Variants in RBPMS observed in about 807,000 individuals in gnomAD.
The protein encoded by RBPMS is RNA-binding protein with multiple splicing.
A neutral mutation model predicts 26.8 loss-of-function variants in RBPMS; 7 were observed. That is an observed-to-expected ratio of 0.26 (90% CI 0.15 to 0.49). The LOEUF is 0.49. RBPMS is among the 20% of genes least tolerant of loss of function. The probability of loss-of-function intolerance (pLI) is 0.98; values close to 1 mark genes in which losing one functional copy is unlikely to be tolerated. For synonymous variants in RBPMS, 96 were observed against 93.3 expected, an observed-to-expected ratio of 1.03 and a Z score of -0.17; for missense variants, 186 against 250.0, an observed-to-expected ratio of 0.74 and a Z score of 1.73.
intron 1 of RBPMS, among the ~76,000 whole-genome samples, chr8:30,443,839 C>T (rs1011860465): frequency 6.6e-6 from 1 of 152,134 alleles, no homozygotes; most frequent in African/African-American, 2.4e-5. Context: ...TTGTGATCTG[C>T]CCGCCTCGGC....
chr8:30,462,280 C>G (rs1815998686), intron 1 of RBPMS, among the ~76,000 whole-genome samples: 1 of 152,040 alleles, frequency 6.6e-6, no homozygotes, highest in Non-Finnish European at 1.5e-5. Context: ...CCAGTGTTAT[C>G]ATTGTTTTTG....
At position 30,554,846 on chromosome 8, in the gene RBPMS, CTCTT is replaced by C. The variant is rs550396982; in HGVS notation, c.529-4037_529-4034del. 2.5e-4 allele frequency among the ~76,000 whole-genome samples: 38 copies of C among 152,194 alleles called. 1 individual carries two copies. The highest frequency in any genetic ancestry group is 1.9e-4 in the African/African-American group (8 of 41,444). On this transcript the variant is annotated intron_variant, in intron 6 of 8. Transcript: ENST00000397323. The stretch of plus-strand genomic sequence containing the variant: ...GTCACCTGCTAAGCACTTTTCGTGA[CTCTT>C]TCTAAGGGCAAGTATGATAGTGGGA...
chr8:30,547,910 T>C (rs1196505283), intron 6 of RBPMS, among the ~76,000 whole-genome samples: 4 of 152,204 alleles, frequency 2.6e-5, no homozygotes, highest in South Asian at 4.1e-4. Context: ...GAGTCACATT[T>C]CTAGCTCTGC....
At chr8:30,555,759 C>G (rs992222082) in intron 6 of RBPMS, 4 of 445,906 alleles carry the variant, frequency 9.0e-6, no homozygotes, top group Non-Finnish European at 1.2e-5. Flanking sequence ...TAGGTTTCCC[C>G]GTTAAGAAGA....
At chr8:30,519,458 CTTTTTTTTTTTTTTTTTTTTTTTTTTTT>C (rs36017963) in intron 5 of RBPMS, among the ~76,000 whole-genome samples, 9 of 89,460 alleles carry the variant, frequency 1.0e-4, no homozygotes, top group East Asian at 3.5e-4. Context: ...GGATCTCTCT[CTTTTTTTTTTTTTTTTTTTTTTTTTTTT>C]TTTTTTTTTT....
At chr8:30,425,417 T>G (rs1428482431) in intron 1 of RBPMS, among the ~76,000 whole-genome samples, 1 of 151,856 alleles carries the variant, frequency 6.6e-6, no homozygotes, top group African/African-American at 2.4e-5. Flanking sequence ...TTCTTTTTTT[T>G]GAAATGGAGT....
intron 6 of RBPMS, among the ~76,000 whole-genome samples, chr8:30,551,042 T>TTTCCAGGCAATGGAGTTACAGCTTGTAC (rs1826322355): frequency 6.6e-6 from 1 of 152,202 alleles, no homozygotes; most frequent in African/African-American, 2.4e-5. Context: ...CTCAGCCTCA[T>TTTCCAGGCAATGGAGTTACAGCTTGTAC]TTCCAGGCAA....
intron 1 of RBPMS, among the ~76,000 whole-genome samples, chr8:30,441,269 A>G (rs1406729062): frequency 6.6e-6 from 1 of 152,070 alleles, no homozygotes; most frequent in Non-Finnish European, 1.5e-5. Context: ...CTTGCTCCTA[A>G]ACACTGTTTT....
At chr8:30,537,812 C>T (rs970502715) in intron 5 of RBPMS, 1 of 350,868 alleles carries the variant, frequency 2.9e-6, no homozygotes, top group African/African-American at 2.1e-5. Context: ...GTTGTTACTA[C>T]TGCTATCATC....
rs117655574 is a variant in RBPMS at position 30,570,685 on chromosome 8, G to T, written c.*160G>T. The T allele has an allele frequency of 6.6e-6, 1 of 152,492 alleles. No homozygotes were observed. Among genetic ancestry groups the T allele is most frequent in the Non-Finnish European group, 1.5e-5 (1 of 68,026 alleles). The allele number at this position is 152,492 out of a possible 1,614,324, so 9.4% of individuals were successfully genotyped here. A position where few individuals can be genotyped will look rare whatever the true frequency, so the allele number is the denominator to read the frequency against. ...TTGATCCCTTCAAGACTTTGTCACA[G>T]CCTCTATCACACATCTGTTTTTCTC... On this transcript the variant is annotated 3_prime_UTR_variant, in exon 9 of 9. Transcript: ENST00000397323.
chr8:30,520,199 A>C (rs952164653), intron 5 of RBPMS, among the ~76,000 whole-genome samples: 3 of 152,130 alleles, frequency 2.0e-5, no homozygotes, highest in Admixed American at 2.0e-4. Flanking sequence ...TGATTTTTCT[A>C]ATTGGTTGTT....
At chr8:30,463,640 G>T (rs1210391105) in intron 1 of RBPMS, among the ~76,000 whole-genome samples, 2 of 152,222 alleles carry the variant, frequency 1.3e-5, no homozygotes, top group Non-Finnish European at 2.9e-5. Context: ...CCATGCTAAA[G>T]GTGAAGGGGA....
intron 5 of RBPMS, among the ~76,000 whole-genome samples, chr8:30,531,058 C>T (rs1044201358): frequency 6.6e-6 from 1 of 151,780 alleles, no homozygotes; most frequent in Admixed American, 6.6e-5. Flanking sequence ...TTACTATTTT[C>T]GGTGGCTATA....
At chr8:30,418,326 C>T (rs1424362406) in intron 1 of RBPMS, among the ~76,000 whole-genome samples, 4 of 152,138 alleles carry the variant, frequency 2.6e-5, no homozygotes, top group African/African-American at 7.2e-5. Context: ...AAGGGGTCCT[C>T]CCGCCTCAGT....
At chr8:30,476,431 A>G (rs1218964376) in intron 2 of RBPMS, among the ~76,000 whole-genome samples, 1 of 152,162 alleles carries the variant, frequency 6.6e-6, no homozygotes, top group Non-Finnish European at 1.5e-5. Flanking sequence ...TTAAACCTCT[A>G]GTTTTTTCAG....
At chr8:30,551,124 C>G (rs772398891) in intron 6 of RBPMS, among the ~76,000 whole-genome samples, 3 of 152,192 alleles carry the variant, frequency 2.0e-5, no homozygotes, top group Admixed American at 2.0e-4. Flanking sequence ...AATCTGCCCC[C>G]GGCCAGGCAG....
intron 5 of RBPMS, among the ~76,000 whole-genome samples, chr8:30,533,986 T>C (rs1391083161): frequency 7.2e-5 from 11 of 151,970 alleles, no homozygotes; most frequent in Admixed American, 3.3e-4. Context: ...TATAAAAAAT[T>C]AGCTGGGTGT....
At chr8:30,431,183 A>G (rs1811883703) in intron 1 of RBPMS, among the ~76,000 whole-genome samples, 1 of 152,042 alleles carries the variant, frequency 6.6e-6, no homozygotes, top group South Asian at 2.1e-4. Context: ...CCAGGGGGAG[A>G]AAAAATAGCA....
chr8:30,414,954 T>G (rs1809888054), intron 1 of RBPMS, among the ~76,000 whole-genome samples: 1 of 152,076 alleles, frequency 6.6e-6, no homozygotes, highest in Non-Finnish European at 1.5e-5. Context: ...ATGATAGTGT[T>G]CCTTGGCACT....
Sources: gnomAD v4.1 joint callset for allele counts (sites outside exome capture counted in the v4.1 genomes callset) on GRCh38, gnomAD v4.1.1 for gene constraint, MANE v1.5 for transcripts, NCBI Gene and HGNC (gene_info 2026-07-23, HGNC 2026-07-21) for gene names.